NRXN1: variants seen among roughly 807,000 people sequenced by gnomAD.
NRXN1 encodes the protein neurexin-1.
A neutral mutation model predicts 150.9 loss-of-function variants in NRXN1; 39 were observed. The observed-to-expected ratio is 0.26, with a 90% confidence interval of 0.20 to 0.34. The LOEUF (loss-of-function observed/expected upper bound fraction) is 0.34. Ranked by LOEUF, NRXN1 falls within the 10% of genes least tolerant of loss-of-function variation. NRXN1 has a pLI of 1.00. For synonymous variants in NRXN1, 924 were observed against 757.0 expected (o/e 1.22, Z -3.62); for missense variants, 1,815 against 1,949.9 (o/e 0.93, Z 1.30).
At chr2:50,285,881 T>G (rs2072094738) in intron 17 of NRXN1, among the ~76,000 whole-genome samples, 1 of 149,424 alleles carries the variant, frequency 6.7e-6, no homozygotes, top group South Asian at 2.1e-4. Context: ...AAAAAAAACT[T>G]GAAAAAATAG....
intron 2 of NRXN1, among the ~76,000 whole-genome samples, chr2:50,981,731 A>G (rs770412375): frequency 6.6e-6 from 1 of 151,918 alleles, no homozygotes; most frequent in Non-Finnish European, 1.5e-5. Context: ...ATAACCACCA[A>G]CAAAGGGATT....
chr2:49,979,813 A>G (rs1679658480), intron 21 of NRXN1, among the ~76,000 whole-genome samples: 1 of 151,974 alleles, frequency 6.6e-6, no homozygotes. Context: ...CCTATTAACT[A>G]TTAATTTAAT....
At chr2:50,293,074 T>C (rs1250357938) in intron 17 of NRXN1, among the ~76,000 whole-genome samples, 1 of 152,066 alleles carries the variant, frequency 6.6e-6, no homozygotes, top group African/African-American at 2.4e-5. Context: ...ATACCCCAAG[T>C]CTTTCTGATT....
chr2:50,495,013 G>A (rs1326574326), intron 15 of NRXN1, among the ~76,000 whole-genome samples: 6 of 149,898 alleles, frequency 4.0e-5, no homozygotes, highest in Non-Finnish European at 7.4e-5. Context: ...CCTGGGTGAC[G>A]GAGCAAGACT....
At chr2:50,832,759 T>C (rs1033934086) in intron 5 of NRXN1, among the ~76,000 whole-genome samples, 2 of 152,208 alleles carry the variant, frequency 1.3e-5, no homozygotes, top group Non-Finnish European at 1.5e-5. Flanking sequence ...TTTCATATAT[T>C]AAATGTTTCT....
intron 17 of NRXN1, among the ~76,000 whole-genome samples, chr2:50,271,998 G>C (rs2069736770): frequency 6.6e-6 from 1 of 152,108 alleles, no homozygotes; most frequent in African/African-American, 2.4e-5. Context: ...CCAAGGGGGG[G>C]TCACACAATC....
chr2:50,821,573 C>T (rs893229638), intron 5 of NRXN1, among the ~76,000 whole-genome samples: 1 of 152,036 alleles, frequency 6.6e-6, no homozygotes, highest in Non-Finnish European at 1.5e-5. Context: ...GAATAAGCAC[C>T]ATAGAAGTGC....
rs1417415625 is a variant in NRXN1, at chr2:50,646,432, A to C, written c.833-22817T>G. On this transcript the variant is annotated intron_variant, in intron 5 of 22. Transcript: ENST00000401669. ...ACTGGGGTGACTCTTGCCTGGTGGA[A>C]AAAGACATTTTGTATTCAGAAAGTT... Among the ~76,000 whole-genome samples, 4 of 151,982 alleles carry C rather than the reference A, an allele frequency of 2.6e-5. No homozygotes were observed. The East Asian group carries it at 5.8e-4, about 22-fold the overall frequency.
chr2:50,492,207 T>G (rs2104872162), intron 15 of NRXN1, among the ~76,000 whole-genome samples: 2 of 152,298 alleles, frequency 1.3e-5, no homozygotes, highest in Non-Finnish European at 2.9e-5. Context: ...TGCTGCTCCT[T>G]TCATTGCATG....
In NRXN1 at chr2:50,315,537, C is replaced by T. The variant is rs1259706706; in HGVS notation, c.3365-78567G>A. Among the ~76,000 whole-genome samples, 3 of 152,124 alleles carry T rather than the reference C, an allele frequency of 2.0e-5. No individual in the cohort carries two copies. The East Asian group carries it at 5.8e-4, about 29-fold the overall frequency. On this transcript the variant is annotated intron_variant, in intron 17 of 22. Coordinates refer to ENST00000401669, the MANE Select transcript of NRXN1 (RefSeq NM_001330078.2). ...TCAAATCTGTGGCATTGCTGGTTAA[C>T]AGAAGGCACTTCTCTCCCAGCCCAC...
intron 2 of NRXN1, among the ~76,000 whole-genome samples, chr2:50,941,800 C>G (rs1689492681): frequency 6.6e-6 from 1 of 152,112 alleles, no homozygotes; most frequent in South Asian, 2.1e-4. Context: ...GCAACTGGAC[C>G]ATGTGGTAGA....
At chr2:50,768,805 C>T (rs1702655818) in intron 5 of NRXN1, among the ~76,000 whole-genome samples, 1 of 151,710 alleles carries the variant, frequency 6.6e-6, no homozygotes. Flanking sequence ...CTCACAACTC[C>T]CTCAACCTCA....
intron 21 of NRXN1, among the ~76,000 whole-genome samples, chr2:49,962,731 G>C (rs1676203129): frequency 6.6e-6 from 1 of 152,072 alleles, no homozygotes; most frequent in Non-Finnish European, 1.5e-5. Context: ...GGACACGGTG[G>C]CTCATGAGGT....
At chr2:49,980,180 G>A (rs759023925) in intron 21 of NRXN1, among the ~76,000 whole-genome samples, 14 of 152,106 alleles carry the variant, frequency 9.2e-5, no homozygotes, top group Admixed American at 2.0e-4. Flanking sequence ...CAGAACTAGC[G>A]TTCCAGAATA....
intron 17 of NRXN1, among the ~76,000 whole-genome samples, chr2:50,366,825 T>C (rs2079614398): frequency 6.6e-6 from 1 of 151,976 alleles, no homozygotes; most frequent in African/African-American, 2.4e-5. Flanking sequence ...AGAAGGAGCT[T>C]AAATGTTTGA....
At chr2:50,683,646 A>AAAAAAAAAAAAAAATATATAT in intron 5 of NRXN1, among the ~76,000 whole-genome samples, 26 of 14,900 alleles carry the variant, frequency 1.7e-3, no homozygotes, top group African/African-American at 3.2e-3. Flanking sequence ...AAAAAAAAAA[A>AAAAAAAAAAAAAAATATATAT]ATATATATAT....
intron 3 of NRXN1, among the ~76,000 whole-genome samples, chr2:50,923,869 C>T (rs1686464339): frequency 6.6e-6 from 1 of 151,698 alleles, no homozygotes; most frequent in Admixed American, 6.6e-5. Context: ...TCTCTGTAGG[C>T]TAGATATAAT....
At chr2:49,974,091 T>C in intron 21 of NRXN1, 1 of 717,014 alleles carries the variant, frequency 1.4e-6, no homozygotes, top group South Asian at 1.5e-5. Context: ...AAATCAATAC[T>C]GGTGACAGGA....
chr2:50,395,156 G>A (rs1285281179), intron 17 of NRXN1, among the ~76,000 whole-genome samples: 1 of 151,286 alleles, frequency 6.6e-6, no homozygotes, highest in African/African-American at 2.4e-5. Context: ...TAGAAATTAT[G>A]TTCTAGGAGG....
Sources: gnomAD v4.1 joint callset for allele counts (sites outside exome capture counted in the v4.1 genomes callset) on GRCh38, gnomAD v4.1.1 for gene constraint, MANE v1.5 for transcripts, NCBI Gene and HGNC (gene_info 2026-07-23, HGNC 2026-07-21) for gene names.